ALPL: variants seen among roughly 807,000 people sequenced by gnomAD.
The protein encoded by ALPL is alkaline phosphatase, tissue-nonspecific isozyme.
In ALPL, 42 loss-of-function variants were observed where a neutral mutation model predicts 51.3. The ratio of observed to expected loss-of-function variants is 0.82; its 90% CI spans 0.64 to 1.06. The LOEUF is 1.06. Among genes scored for constraint, ALPL ranks in the 50% least tolerant of loss-of-function variants. ALPL has a pLI of 0.00. For synonymous variants in ALPL, 279 were observed against 296.4 expected (o/e 0.94, Z 0.60); for missense variants, 589 against 709.4 (o/e 0.83, Z 1.93).
chr1:21,567,464 C>T (rs776399260), intron 6 of ALPL, among the ~76,000 whole-genome samples: 67 of 152,218 alleles, frequency 4.4e-4, no homozygotes, highest in Non-Finnish European at 7.8e-4. Flanking sequence ...GCCCAGGCTG[C>T]GGTGGGCTGG....
In ALPL at chr1:21,577,909, A is replaced by C. The variant is rs751503180; in HGVS notation, c.*261A>C. 3.0e-5 allele frequency: 18 copies of C among 593,862 alleles called. No individual in the cohort carries two copies. The highest frequency in any genetic ancestry group is 2.4e-4 in the Admixed American group (8 of 33,636). The allele number at this position is 593,862 out of a possible 1,614,324, so 36.8% of individuals were successfully genotyped here. ...GGGTAGATTTCTCTTGGGCAGGCAG[A>C]GAGTACAGACTGCAGACATTCTCAA... On this transcript the variant is annotated 3_prime_UTR_variant, in exon 12 of 12. Coordinates refer to ENST00000374840, the MANE Select transcript of ALPL (RefSeq NM_000478.6).
intron 9 of ALPL, chr1:21,574,057 C>T: frequency 1.0e-6 from 1 of 985,486 alleles, no homozygotes; most frequent in Non-Finnish European, 1.2e-6. Context: ...AGATTTCTCC[C>T]CTTTGGTAGT....
intron 1 of ALPL, among the ~76,000 whole-genome samples, chr1:21,512,788 C>G (rs1410190566): frequency 6.6e-6 from 1 of 152,174 alleles, no homozygotes; most frequent in East Asian, 1.9e-4. Context: ...TTAAAGTTTT[C>G]CATGCTTAAA....
chr1:21,523,188 A>G (rs1460356223), intron 1 of ALPL, among the ~76,000 whole-genome samples: 1 of 152,178 alleles, frequency 6.6e-6, no homozygotes, highest in Non-Finnish European at 1.5e-5. Context: ...GATTACAGGT[A>G]CTCAGGAGGA....
intron 1 of ALPL, among the ~76,000 whole-genome samples, chr1:21,550,611 A>G (rs1297750162): frequency 6.6e-6 from 1 of 152,136 alleles, no homozygotes; most frequent in Non-Finnish European, 1.5e-5. Context: ...TCATACATTG[A>G]CAGCTGAACC....
chr1:21,575,623 C>T lies in ALPL; in HGVS notation c.998-110C>T, dbSNP rs571866673. 13 of 1,361,066 alleles carry T rather than the reference C, an allele frequency of 9.6e-6. No homozygotes were observed. The South Asian group carries it at 1.5e-4, about 16-fold the overall frequency. 84.3% of individuals were successfully genotyped at this position (1,361,066 alleles called of 1,614,324 possible). On this transcript the variant is annotated intron_variant, in intron 9 of 11. Coordinates refer to ENST00000374840, the MANE Select transcript of ALPL (RefSeq NM_000478.6). Reference sequence around the variant, plus strand: ...CTCAGAGTGGTGCCCGGCGAAGGTTCCTGTCCTTCCCTAGCTAACAAAGGT... The same window carrying T: ...CTCAGAGTGGTGCCCGGCGAAGGTTTCTGTCCTTCCCTAGCTAACAAAGGT...
chr1:21,510,470 G>T (rs1643664048), intron 1 of ALPL, among the ~76,000 whole-genome samples: 1 of 152,218 alleles, frequency 6.6e-6, no homozygotes, highest in South Asian at 2.1e-4. Context: ...GCCCAGGGAG[G>T]CAGGGGTTGG....
chr1:21,542,807 CA>C (rs1644205490), intron 1 of ALPL, among the ~76,000 whole-genome samples: 1 of 152,164 alleles, frequency 6.6e-6, no homozygotes, highest in Non-Finnish European at 1.5e-5. Flanking sequence ...TACTGCACTC[CA>C]GCTTGGGTGA....
rs188720547 is a variant in ALPL at position 21,521,599 on chromosome 1, C to T, written c.-105+12082C>T. Among the ~76,000 whole-genome samples the T allele has an allele frequency of 1.6e-4, 24 of 152,312 alleles. No individual in the cohort carries two copies. The East Asian group carries it at 3.5e-3, about 22-fold the overall frequency. ...GGTGTGACTCTTGAGCCACTCAATG[C>T]GAAGCCTGGCCACCCTCCCCAGACC... On this transcript the variant is annotated intron_variant, in intron 1 of 11. Transcript: ENST00000374840.
intron 4 of ALPL, among the ~76,000 whole-genome samples, chr1:21,561,663 T>G (rs1322036683): frequency 1.6e-5 from 2 of 121,476 alleles, no homozygotes; most frequent in African/African-American, 3.1e-5. Context: ...GGCCTATATA[T>G]GCCTTTTTTT....
At chr1:21,554,869 CTTTCTCTCTT>C (rs1644388914) in intron 2 of ALPL, among the ~76,000 whole-genome samples, 3 of 124,758 alleles carry the variant, frequency 2.4e-5, no homozygotes, top group Non-Finnish European at 5.2e-5. Context: ...TTCTTTCTTT[CTTTCTCTCTT>C]TCTTTCTTTT....
At chr1:21,548,065 C>A (rs1167135487) in intron 1 of ALPL, among the ~76,000 whole-genome samples, 3 of 152,204 alleles carry the variant, frequency 2.0e-5, no homozygotes, top group Non-Finnish European at 4.4e-5. Flanking sequence ...ACTGGCCATG[C>A]GTAATCAGGC....
At chr1:21,543,068 C>T (rs1055099713) in intron 1 of ALPL, among the ~76,000 whole-genome samples, 7 of 151,908 alleles carry the variant, frequency 4.6e-5, no homozygotes, top group African/African-American at 7.3e-5. Context: ...GCAGGAGGAT[C>T]GCTTAAGGCT....
At position 21,577,861 on chromosome 1, in the gene ALPL, T is replaced by TC; in HGVS notation, c.*217dup. On this transcript the variant is annotated 3_prime_UTR_variant, in exon 12 of 12. Transcript: ENST00000374840. ...CTTCTGGCCTCCAGCCTTTGCTCCC[T>TC]CCCCGCTGCCCTTTGGCCAACAGGG... The TC allele has an allele frequency of 3.1e-6, 2 of 649,382 alleles. No individual in the cohort carries two copies. The highest frequency in any genetic ancestry group is 3.9e-5 in the South Asian group (2 of 50,964). 40.2% of individuals were successfully genotyped at this position (649,382 alleles called of 1,614,324 possible).
chr1:21,545,964 C>T (rs780254726), intron 1 of ALPL, among the ~76,000 whole-genome samples: 1 of 151,620 alleles, frequency 6.6e-6, no homozygotes. Context: ...TATAGGCACA[C>T]ACCACCATGC....
chr1:21,568,441 T>C (rs1644599786), intron 7 of ALPL, among the ~76,000 whole-genome samples, 194 bp downstream of exon 7: 1 of 152,068 alleles, frequency 6.6e-6, no homozygotes, highest in African/African-American at 2.4e-5. Flanking sequence ...TTGGAGGGGA[T>C]ACCAGAGAGA....
intron 3 of ALPL, 55 bp from the exon 4 acceptor site, chr1:21,561,042 G>T: frequency 6.7e-7 from 1 of 1,500,780 alleles, no homozygotes; most frequent in South Asian, 1.2e-5. Context: ...TACCCAAGCA[G>T]GCTGATTGGA....
At chr1:21,576,748 T>A (rs1232107572) in intron 11 of ALPL, 107 bp downstream of exon 11, 7 of 1,490,548 alleles carry the variant, frequency 4.7e-6, no homozygotes, top group Middle Eastern at 1.8e-4. Flanking sequence ...TCAGAATGAC[T>A]GGGGCTTGAG....
At chr1:21,536,688 G>A (rs574647370) in intron 1 of ALPL, among the ~76,000 whole-genome samples, 1 of 152,162 alleles carries the variant, frequency 6.6e-6, no homozygotes, top group East Asian at 1.9e-4. Flanking sequence ...ACCTGGAGCT[G>A]GAGGCGGGAT....
Sources: allele counts gnomAD v4.1 joint callset (sites outside exome capture counted in the v4.1 genomes callset), GRCh38; gene constraint gnomAD v4.1.1; transcripts MANE v1.5; gene names NCBI Gene and HGNC (gene_info 2026-07-23, HGNC 2026-07-21).